Variants in FBXO11 observed in about 807,000 individuals in gnomAD.
The protein encoded by FBXO11 is F-box protein 11.
FBXO11 carries 13 observed loss-of-function variants against 117.0 expected under a neutral mutation model. The ratio of observed to expected loss-of-function variants is 0.11; its 90% confidence interval spans 0.07 to 0.18. The LOEUF (loss-of-function observed/expected upper bound fraction) is 0.18, where lower values mean the gene tolerates loss of function less well. FBXO11 is among the 10% of genes least tolerant of loss of function. The pLI is 1.00. For missense variants in FBXO11, 767 were observed against 1,164.4 expected (o/e 0.66, Z 4.97); for synonymous variants, 490 against 380.5 (o/e 1.29, Z -3.35).
chr2:47,889,317 C>A (rs1677093596), intron 1 of FBXO11, among the ~76,000 whole-genome samples: 1 of 152,184 alleles, frequency 6.6e-6, no homozygotes, highest in South Asian at 2.1e-4. Flanking sequence ...AGACTATTCC[C>A]TAGAATCTAT....
At chr2:47,842,447 T>C (rs995776492) in intron 1 of FBXO11, among the ~76,000 whole-genome samples, 6 of 152,212 alleles carry the variant, frequency 3.9e-5, no homozygotes, top group African/African-American at 1.2e-4. Context: ...TTGTGTTTTA[T>C]GTAGGTTTCT....
intron 1 of FBXO11, 52 bp from the exon 2 acceptor site, chr2:47,839,821 C>G: frequency 6.5e-7 from 1 of 1,533,106 alleles, no homozygotes; most frequent in South Asian, 1.2e-5. Context: ...AAAAAAAGTT[C>G]TATGGATACA....
intron 1 of FBXO11, among the ~76,000 whole-genome samples, chr2:47,886,487 CAG>C (rs1233199314): frequency 7.3e-6 from 1 of 136,122 alleles, no homozygotes; most frequent in African/African-American, 2.8e-5. Context: ...GCATGGGAGA[CAG>C]AGCGAGACTC....
intron 14 of FBXO11, among the ~76,000 whole-genome samples, chr2:47,819,539 C>G (rs1462681992): frequency 2.6e-5 from 4 of 152,034 alleles, no homozygotes; most frequent in Non-Finnish European, 4.4e-5. Flanking sequence ...TAGCCTCTAC[C>G]TGAGTTTTAA....
At chr2:47,872,481 G>T (rs1473988817) in intron 1 of FBXO11, among the ~76,000 whole-genome samples, 1 of 152,094 alleles carries the variant, frequency 6.6e-6, no homozygotes, top group Admixed American at 6.5e-5. Context: ...GCGCCACCAT[G>T]CCTGCCTAAT....
chr2:47,810,170 G>T (rs1670518270), intron 19 of FBXO11, 146 bp downstream of exon 19: 1 of 575,934 alleles, frequency 1.7e-6, no homozygotes, highest in Non-Finnish European at 3.0e-6. Context: ...TTGATTAGGT[G>T]CTCTTGTAAG....
chr2:47,810,058 A>G, intron 19 of FBXO11: 1 of 498,006 alleles, frequency 2.0e-6, no homozygotes, highest in Non-Finnish European at 3.5e-6. Context: ...GTGGTAATAC[A>G]AGCCTGCATT....
At chr2:47,897,281 C>T (rs1040661077) in intron 1 of FBXO11, among the ~76,000 whole-genome samples, 2 of 151,962 alleles carry the variant, frequency 1.3e-5, no homozygotes, top group South Asian at 2.1e-4. Context: ...GTATCTAAAC[C>T]CAAGTAGAGT....
intron 16 of FBXO11, among the ~76,000 whole-genome samples, chr2:47,816,354 T>A (rs1333563892): frequency 6.6e-6 from 1 of 152,198 alleles, no homozygotes; most frequent in East Asian, 1.9e-4. Flanking sequence ...TAATTTTTTC[T>A]ATTTTTTACA....
intron 1 of FBXO11, among the ~76,000 whole-genome samples, chr2:47,884,205 C>G (rs1186036581): frequency 6.6e-6 from 1 of 152,054 alleles, no homozygotes; most frequent in African/African-American, 2.4e-5. Flanking sequence ...GGTGACAGAG[C>G]AAGACTCCGT....
chr2:47,864,618 G>C (rs1471831526), intron 1 of FBXO11, among the ~76,000 whole-genome samples: 2 of 152,006 alleles, frequency 1.3e-5, no homozygotes, highest in South Asian at 2.1e-4. Context: ...CAAGAATCTA[G>C]ATTAAATAAT....
At chr2:47,835,638 C>T (rs912263855) in intron 5 of FBXO11, among the ~76,000 whole-genome samples, 9 of 152,092 alleles carry the variant, frequency 5.9e-5, no homozygotes, top group Non-Finnish European at 1.2e-4. Context: ...GCTGGGACTA[C>T]AGGTGTGCGC....
At chr2:47,864,603 A>G (rs774613374) in intron 1 of FBXO11, among the ~76,000 whole-genome samples, 1 of 152,212 alleles carries the variant, frequency 6.6e-6, no homozygotes, top group African/African-American at 2.4e-5. Flanking sequence ...AAAGACAAAA[A>G]TAAACAAGAA....
At chr2:47,814,503 C>A (rs1036632058) in intron 16 of FBXO11, among the ~76,000 whole-genome samples, 1 of 151,716 alleles carries the variant, frequency 6.6e-6, no homozygotes, top group East Asian at 1.9e-4. Context: ...CTAAGCCTCC[C>A]GAGTAGCTGG....
chr2:47,813,994 C>A, intron 16 of FBXO11, 127 bp from the exon 17 acceptor site: 1 of 677,886 alleles, frequency 1.5e-6, no homozygotes. Flanking sequence ...CAATGGAGTC[C>A]AAGATGCCCT....
rs113437708 is a variant in FBXO11 at position 47,809,332 on chromosome 2, T to C, written c.2447-66A>G. On this transcript the variant is annotated intron_variant, in intron 20 of 22. Coordinates refer to ENST00000403359, the MANE Select transcript of FBXO11 (RefSeq NM_001190274.2). ...TTAATATTTTAAAAACCAAAGATTA[T>C]AGGATTATTCTAACAGAAGAGCCAC... The C allele has an allele frequency of 2.5e-4, 265 of 1,055,938 alleles. No individual in the cohort carries two copies. In the South Asian group the frequency reaches 3.2e-3, roughly 13 times the overall value. 65.4% of individuals were successfully genotyped at this position (1,055,938 alleles called of 1,614,324 possible). A position where few individuals can be genotyped will look rare whatever the true frequency, so the allele number is the denominator to read the frequency against.
intron 11 of FBXO11, among the ~76,000 whole-genome samples, chr2:47,825,137 ATACTC>A (rs999139700): frequency 6.6e-6 from 1 of 152,178 alleles, no homozygotes; most frequent in African/African-American, 2.4e-5. Context: ...GATATTCTGA[ATACTC>A]TAGTATACTA....
chr2:47,848,690 TAA>T (rs370206215), intron 1 of FBXO11, among the ~76,000 whole-genome samples: 89 of 152,306 alleles, frequency 5.8e-4, no homozygotes, highest in African/African-American at 2.1e-3. Flanking sequence ...CAGAAATAAG[TAA>T]AGTCTTCTGG....
Position 47,834,658 on chromosome 2 carries a change from A to G in FBXO11, c.855T>C (p.Asp285=). The stretch of plus-strand genomic sequence containing the variant: ...TTCCAGAATGAACAAAGATAAGTCC[A>G]TCAAAATGAGCCTCTTGTACCCCAC... ...ALGGVQEAHF[D]GLIFVHSGIY... is the part of the protein sequence containing the mutation. The change falls in exon 7 of 23, where the codon GAT becomes GAC. Residue 285 remains aspartate (D), a synonymous_variant. Transcript: ENST00000403359. The G allele has an allele frequency of 6.2e-7, 1 of 1,611,262 alleles. No homozygotes were observed. The highest frequency in any genetic ancestry group is 8.5e-7 in the Non-Finnish European group (1 of 1,178,404).
Sources: allele counts gnomAD v4.1 joint callset (sites outside exome capture counted in the v4.1 genomes callset), GRCh38; gene constraint gnomAD v4.1.1; transcripts MANE v1.5; gene names NCBI Gene and HGNC (gene_info 2026-07-23, HGNC 2026-07-21).